Variants in NAV3 observed in about 807,000 individuals in gnomAD.
NAV3 encodes the protein pore membrane and/or filament interacting like protein 1.
Under a neutral mutation model 244.7 loss-of-function variants are expected in NAV3, and 87 were observed. That is an observed-to-expected ratio of 0.36 (90% CI 0.30 to 0.42). NAV3 has a LOEUF of 0.42. Among genes scored for constraint, NAV3 ranks in the 20% least tolerant of loss-of-function variants. NAV3 has a pLI of 1.00. For missense variants in NAV3, 2,663 were observed against 2,893.3 expected (o/e 0.92, Z 1.83); for synonymous variants, 1,126 against 1,042.2 (o/e 1.08, Z -1.55).
chr12:78,169,030 C>T (rs1231431730), intron 24 of NAV3, among the ~76,000 whole-genome samples, 164 bp downstream of exon 24: 5 of 151,564 alleles, frequency 3.3e-5, no homozygotes, highest in African/African-American at 7.3e-5. Flanking sequence ...ATACATACTA[C>T]GTTGGTATTA....
intron 1 of NAV3, among the ~76,000 whole-genome samples, chr12:77,924,674 A>T (rs1256708096): frequency 3.9e-5 from 6 of 152,164 alleles, no homozygotes; most frequent in African/African-American, 1.4e-4. Context: ...CAAGATAAGG[A>T]TATTCTATGA....
At position 78,040,038 on chromosome 12, in the gene NAV3, T is replaced by G. The variant is rs1268756815; in HGVS notation, c.2024-9955T>G. On this transcript the variant is annotated intron_variant, in intron 9 of 39. Transcript: ENST00000397909. ...CTTGTATTGTTGCTAAACATTTAAT[T>G]TTATTTTTGCTTTTATATTTAGACT... Among the ~76,000 whole-genome samples, 8 of 152,270 alleles carry G rather than the reference T, an allele frequency of 5.3e-5. No homozygotes were observed. The East Asian group carries it at 1.5e-3, about 29-fold the overall frequency.
intron 9 of NAV3, among the ~76,000 whole-genome samples, chr12:78,026,904 G>T (rs527981870): frequency 6.6e-6 from 1 of 152,252 alleles, no homozygotes; most frequent in Admixed American, 6.5e-5. Context: ...AAACAGAAAA[G>T]ATAGGACTTA....
chr12:77,835,222 T>C (rs1012301669), intron 1 of NAV3, among the ~76,000 whole-genome samples: 2 of 152,196 alleles, frequency 1.3e-5, no homozygotes, highest in African/African-American at 4.8e-5. Flanking sequence ...CTGGCCTCGT[T>C]ATAGTTCCAA....
chr12:78,059,058 C>A lies in NAV3; in HGVS notation c.2579C>A (p.Ala860Glu). 1.2e-6 allele frequency: 2 copies of A among 1,612,330 alleles called. No individual in the cohort carries two copies. Among genetic ancestry groups the A allele is most frequent in the Non-Finnish European group, 1.7e-6 (2 of 1,179,028 alleles). Residue 860 changes from alanine (A) to glutamate (E), a missense_variant, in exon 12 of 40, where the codon GCA (alanine) becomes GAA (glutamate). This residue lies in a region of NAV3 where 1,521 missense variants were observed against 1,497.0 expected (regional missense o/e 1.02). Coordinates refer to ENST00000397909, the MANE Select transcript of NAV3 (RefSeq NM_001024383.2). ...TRSLNRIPDT[A>E]TSRDIIQRGV... Reference sequence around the variant, plus strand: ...AGTCTGAACCGAATACCAGACACAGCAACTTCCCGGGACATCATCCAGAGA... The same window carrying A: ...AGTCTGAACCGAATACCAGACACAGAAACTTCCCGGGACATCATCCAGAGA...
chr12:78,047,132 C>T (rs910611475), intron 9 of NAV3, among the ~76,000 whole-genome samples: 25 of 151,956 alleles, frequency 1.6e-4, no homozygotes, highest in Admixed American at 7.9e-4. Context: ...AGTCTTTGCA[C>T]GTGAAGCTTA....
chr12:77,858,080 C>G (rs920349563), intron 1 of NAV3, among the ~76,000 whole-genome samples: 1 of 152,018 alleles, frequency 6.6e-6, no homozygotes, highest in Non-Finnish European at 1.5e-5. Flanking sequence ...TTTAAGGGGT[C>G]ACTTCTATAG....
At chr12:77,716,527 A>G (rs1357147365) in intron 2 of NAV3, among the ~76,000 whole-genome samples, 1 of 151,904 alleles carries the variant, frequency 6.6e-6, no homozygotes, top group Non-Finnish European at 1.5e-5. Context: ...TGTAATAAAC[A>G]TATTTTTATA....
chr12:77,832,687 T>C (rs1243682736), intron 1 of NAV3, among the ~76,000 whole-genome samples: 1 of 152,174 alleles, frequency 6.6e-6, no homozygotes, highest in Non-Finnish European at 1.5e-5. Context: ...TTGTTGACAG[T>C]AATCATCCTA....
At chr12:77,690,291 A>G (rs1035025620) in intron 2 of NAV3, among the ~76,000 whole-genome samples, 4 of 151,844 alleles carry the variant, frequency 2.6e-5, no homozygotes, top group African/African-American at 9.7e-5. Flanking sequence ...GTCTTGGGTC[A>G]CTTTGACAAA....
intron 2 of NAV3, among the ~76,000 whole-genome samples, chr12:77,613,155 A>T (rs984118958): frequency 6.6e-6 from 1 of 152,216 alleles, no homozygotes. Flanking sequence ...AGCAGCAATT[A>T]TCAATCTCAT....
intron 5 of NAV3, among the ~76,000 whole-genome samples, chr12:77,970,126 T>C (rs1892874647): frequency 6.6e-6 from 1 of 152,176 alleles, no homozygotes; most frequent in Non-Finnish European, 1.5e-5. Context: ...GTTAGCTCTA[T>C]TACATAAATA....
At chr12:77,922,497 T>G (rs1887808439) in intron 1 of NAV3, among the ~76,000 whole-genome samples, 1 of 152,154 alleles carries the variant, frequency 6.6e-6, no homozygotes, top group South Asian at 2.1e-4. Flanking sequence ...CTGTGTGCCC[T>G]ACTCCATTGT....
At chr12:78,165,374 A>T (rs1957737079) in intron 23 of NAV3, among the ~76,000 whole-genome samples, 1 of 152,068 alleles carries the variant, frequency 6.6e-6, no homozygotes, top group Non-Finnish European at 1.5e-5. Flanking sequence ...CTGAATTGGA[A>T]GAGTAGACTT....
chr12:77,817,224 A>G (rs964836803), intron 2 of NAV3, among the ~76,000 whole-genome samples: 3 of 152,174 alleles, frequency 2.0e-5, no homozygotes, highest in Non-Finnish European at 4.4e-5. Context: ...TGGGAAAGAG[A>G]AAATGAGAGC....
chr12:77,667,153 C>A (rs1313108773), intron 2 of NAV3, among the ~76,000 whole-genome samples: 1 of 152,194 alleles, frequency 6.6e-6, no homozygotes, highest in Non-Finnish European at 1.5e-5. Context: ...GCAGGACTAG[C>A]TTGCAGCTCC....
chr12:77,657,993 C>G (rs2137020876), intron 2 of NAV3, among the ~76,000 whole-genome samples: 1 of 152,132 alleles, frequency 6.6e-6, no homozygotes, highest in East Asian at 1.9e-4. Flanking sequence ...AAACCCACAG[C>G]CAATATCATA....
intron 12 of NAV3, among the ~76,000 whole-genome samples, chr12:78,108,720 A>T (rs1469894933): frequency 6.6e-6 from 1 of 152,132 alleles, no homozygotes; most frequent in Non-Finnish European, 1.5e-5. Context: ...CTGGGACAAT[A>T]AGGAAATTAA....
rs774173175 is a variant in NAV3, at chr12:78,180,970, A to G, written c.5617A>G (p.Thr1873Ala). Residue 1873 changes from threonine to alanine, a missense_variant, in exon 30 of 40, where the codon ACC becomes GCC. By Grantham distance (58) the Thr-to-Ala change is moderately conservative. This residue lies in a region of NAV3 where 543 missense variants were observed against 672.4 expected (regional missense o/e 0.81). Transcript: ENST00000397909. ...GCCACCGTCAGAATCCTCAAGCAGCACCTCCTCTTCATCTTCCAGGCAGTC... is the reference window on the plus strand; with the variant it reads ...GCCACCGTCAGAATCCTCAAGCAGCGCCTCCTCTTCATCTTCCAGGCAGTC... ...TRPPSESSSS[T>A]SSSSSRQSLG... 2.5e-6 allele frequency: 4 copies of G among 1,613,242 alleles called. No individual in the cohort carries two copies. In the Admixed American group the frequency reaches 6.7e-5, roughly 27 times the overall value.
Sources: allele counts gnomAD v4.1 joint callset (sites outside exome capture counted in the v4.1 genomes callset), GRCh38; gene constraint gnomAD v4.1.1; regional missense constraint gnomAD v4.1.1; transcripts MANE v1.5; gene names NCBI Gene and HGNC (gene_info 2026-07-23, HGNC 2026-07-21).